ANXA2: variants seen among roughly 807,000 people sequenced by gnomAD.
ANXA2 encodes annexin A2, also known as annexin II.
Under a neutral mutation model 47.3 loss-of-function variants are expected in ANXA2, and 28 were observed. That is an observed-to-expected ratio of 0.59 (90% CI 0.44 to 0.81). ANXA2 has a LOEUF of 0.81. Among genes scored for constraint, ANXA2 ranks in the 40% least tolerant of loss-of-function variants. The pLI, the probability that ANXA2 is intolerant of heterozygous loss-of-function variation, is 0.00. For missense variants in ANXA2, 384 were observed against 414.3 expected, an observed-to-expected ratio of 0.93 and a Z score of 0.64; for synonymous variants, 172 against 155.5, an observed-to-expected ratio of 1.11 and a Z score of -0.79.
At chr15:60,371,078 T>C (rs1466754112) in intron 3 of ANXA2, among the ~76,000 whole-genome samples, 1 of 152,212 alleles carries the variant, frequency 6.6e-6, no homozygotes, top group East Asian at 1.9e-4. Context: ...CCAACATTGG[T>C]GAGGAACCAA....
chr15:60,363,476 G>A (rs1351176898), intron 4 of ANXA2, among the ~76,000 whole-genome samples: 2 of 152,188 alleles, frequency 1.3e-5, no homozygotes, highest in African/African-American at 4.8e-5. Flanking sequence ...GTGGCTACAA[G>A]TGAAAGCCAT....
intron 2 of ANXA2, chr15:60,384,814 C>T (rs756293995): frequency 5.9e-5 from 9 of 152,170 alleles, no homozygotes; most frequent in African/African-American, 9.7e-5. Flanking sequence ...ACCATGTGAC[C>T]CAAGTCACTG....
intron 3 of ANXA2, chr15:60,374,351 A>G: frequency 2.5e-6 from 1 of 401,838 alleles, no homozygotes; most frequent in Non-Finnish European, 4.9e-6. Flanking sequence ...ATAAAATGCA[A>G]GCCCTGTATT....
Position 60,351,188 on chromosome 15 carries a change from C to G in ANXA2, c.837+5G>C. 6.2e-7 allele frequency: 1 copy of G among 1,614,120 alleles called. No homozygotes were observed. Among genetic ancestry groups the G allele is most frequent in the Non-Finnish European group, 8.5e-7 (1 of 1,179,970 alleles). ...AACACAGCTCTCTCAGCCAGCTGCC[C>G]TTACCTTCATGGAGTCATACAGCCG... On this transcript the variant is annotated splice_donor_5th_base_variant and intron_variant, in intron 11 of 12. Transcript: ENST00000451270.
intron 3 of ANXA2, 86 bp from the exon 4 acceptor site, chr15:60,364,609 A>G (rs961912818): frequency 5.3e-5 from 52 of 990,174 alleles, no homozygotes; most frequent in Non-Finnish European, 7.6e-5. Flanking sequence ...ACTTTTTCAA[A>G]CTGAAATTTA....
At chr15:60,354,331 A>G in intron 7 of ANXA2, 118 bp from the exon 8 acceptor site, 1 of 858,060 alleles carries the variant, frequency 1.2e-6, no homozygotes, top group Non-Finnish European at 1.8e-6. Context: ...TAACCACGTA[A>G]GATTTTTCTT....
intron 7 of ANXA2, among the ~76,000 whole-genome samples, chr15:60,354,918 G>A (rs1448758498): frequency 6.6e-6 from 1 of 152,170 alleles, no homozygotes; most frequent in Non-Finnish European, 1.5e-5. Flanking sequence ...CAAAATGCGG[G>A]CGGAGGAAGA....
rs564741326 is a variant in ANXA2 at position 60,351,213 on chromosome 15, G to C, written c.817C>G (p.Arg273Gly). 1 of 1,614,170 alleles carries C rather than the reference G, an allele frequency of 6.2e-7. No homozygotes were observed. Among genetic ancestry groups the C allele is most frequent in the Non-Finnish European group, 8.5e-7 (1 of 1,180,036 alleles). Residue 273 changes from arginine to glycine, a missense_variant, in exon 11 of 13, where the codon CGG becomes GGG. Arg to Gly is a moderately radical substitution (Grantham distance 125). Transcript: ENST00000451270. Reference protein sequence around the residue: ...IQNKPLYFADRLYDSMKGKGT... With the variant: ...IQNKPLYFADGLYDSMKGKGT... ...CTTACCTTCATGGAGTCATACAGCC[G>C]ATCAGCAAAATACAGGGGCTTGTTC...
chr15:60,395,616 A>AG (rs1324698018), intron 1 of ANXA2: 1 of 152,216 alleles, frequency 6.6e-6, no homozygotes, highest in Admixed American at 6.5e-5. Flanking sequence ...GAAATTAGCC[A>AG]GGAAACTAAC....
chr15:60,392,970 G>A (rs1355848688), intron 1 of ANXA2: 3 of 1,165,636 alleles, frequency 2.6e-6, no homozygotes, highest in South Asian at 1.6e-5. Flanking sequence ...AAAATGTACT[G>A]GGTGAGGAGA....
intron 1 of ANXA2, 199 bp downstream of exon 1, chr15:60,397,744 C>A (rs2063101135): frequency 6.5e-6 from 5 of 770,682 alleles, no homozygotes; most frequent in Admixed American, 4.6e-5. Context: ...TGGCCCCTCA[C>A]CCCTGCCCCA....
At chr15:60,374,593 G>C in intron 3 of ANXA2, 1 of 456,074 alleles carries the variant, frequency 2.2e-6, no homozygotes, top group Non-Finnish European at 4.4e-6. Context: ...GCTGAAGAGA[G>C]GCAGGTGATG....
chr15:60,384,992 C>T (rs549652229), intron 2 of ANXA2, among the ~76,000 whole-genome samples: 176 of 152,282 alleles, frequency 1.2e-3, no homozygotes, highest in African/African-American at 4.2e-3. Context: ...TTTACATATT[C>T]ATAATTTATA....
chr15:60,351,479 G>A (rs899645876), intron 10 of ANXA2: 26 of 616,646 alleles, frequency 4.2e-5, no homozygotes, highest in Middle Eastern at 4.3e-4. Flanking sequence ...AAGTGCATAC[G>A]TGAGTTTCCA....
Position 60,347,668 on chromosome 15 carries a change from G to A in ANXA2, c.982C>T (p.Gln328Ter), listed in dbSNP as rs771895155. 1.2e-6 allele frequency: 2 copies of A among 1,614,198 alleles called. No homozygotes were observed. The highest frequency in any genetic ancestry group is 1.7e-6 in the Non-Finnish European group (2 of 1,180,034). Residue 328 changes from glutamine (Q) to a stop codon, truncating the protein, a stop_gained, in exon 13 of 13, where the codon CAG (glutamine) becomes TAG (stop). Transcript: ENST00000451270. LOFTEE classifies it high-confidence loss of function. ...YIQQDTKGDY[Q>*]KALLYLCGGD... is the part of the protein sequence containing the mutation. The stretch of plus-strand genomic sequence containing the variant: ...CCACACAGGTACAGCAGCGCTTTCT[G>A]GTAGTCGCCCTTAGTGTCTTGCTAC...
intron 3 of ANXA2, among the ~76,000 whole-genome samples, chr15:60,375,929 G>A (rs749428682): frequency 6.6e-6 from 1 of 152,162 alleles, no homozygotes; most frequent in Non-Finnish European, 1.5e-5. Context: ...GAGGTAAATG[G>A]GAACTGCGCA....
intron 2 of ANXA2, chr15:60,384,392 C>A (rs2062905646): frequency 6.6e-6 from 1 of 152,116 alleles, no homozygotes; most frequent in Non-Finnish European, 1.5e-5. Flanking sequence ...GAGAATTGAA[C>A]CTATTACCTA....
intron 3 of ANXA2, among the ~76,000 whole-genome samples, chr15:60,376,958 A>G (rs1377379910): frequency 6.6e-6 from 1 of 152,218 alleles, no homozygotes; most frequent in African/African-American, 2.4e-5. Flanking sequence ...ACACTCACAC[A>G]CACGTGTGTA....
chr15:60,389,535 C>G (rs952228958), intron 1 of ANXA2, among the ~76,000 whole-genome samples: 2 of 152,316 alleles, frequency 1.3e-5, no homozygotes, highest in East Asian at 1.9e-4. Context: ...ATTCTTCTCC[C>G]ACAGCCACAA....
Sources: gnomAD v4.1 joint callset for allele counts (sites outside exome capture counted in the v4.1 genomes callset) on GRCh38, gnomAD v4.1.1 for gene constraint, MANE v1.5 for transcripts, NCBI Gene and HGNC (gene_info 2026-07-23, HGNC 2026-07-21) for gene names.